Variants in RSU1 observed in about 807,000 individuals in gnomAD.
The protein encoded by RSU1 is rsu-1.
RSU1 carries 26 observed loss-of-function variants against 31.1 expected under a neutral mutation model. That is an observed-to-expected ratio of 0.84 (90% CI 0.61 to 1.16). The LOEUF is 1.16. Ranked by LOEUF, RSU1 falls within the 50% of genes most tolerant of loss-of-function variation. RSU1 has a pLI of 0.00. For missense variants in RSU1, 320 were observed against 339.1 expected (o/e 0.94, Z 0.44); for synonymous variants, 164 against 136.3 (o/e 1.20, Z -1.41).
At chr10:16,640,892 T>C (rs1834428961) in intron 8 of RSU1, among the ~76,000 whole-genome samples, 1 of 152,202 alleles carries the variant, frequency 6.6e-6, no homozygotes, top group East Asian at 1.9e-4. Flanking sequence ...GTCATAAACA[T>C]GAAACAGGTT....
At chr10:16,602,982 A>T (rs181827968) in intron 8 of RSU1, among the ~76,000 whole-genome samples, 1 of 152,210 alleles carries the variant, frequency 6.6e-6, no homozygotes, top group African/African-American at 2.4e-5. Flanking sequence ...TCCTAAAGAA[A>T]AAAAATTAAC....
intron 8 of RSU1, among the ~76,000 whole-genome samples, chr10:16,602,566 T>C (rs1833730851): frequency 1.3e-5 from 2 of 152,236 alleles, no homozygotes; most frequent in Admixed American, 6.5e-5. Flanking sequence ...TCTTTTGTAG[T>C]CTATACACTC....
chr10:16,605,068 TGCCTGAAGTCAGCTGTATTGCTG>T (rs1380723981), intron 8 of RSU1, among the ~76,000 whole-genome samples: 1 of 152,168 alleles, frequency 6.6e-6, no homozygotes, highest in African/African-American at 2.4e-5. Flanking sequence ...TGGGTCCCAA[TGCCTGAAGTCAGCTGTATTGCTG>T]GATGATGTTT....
chr10:16,815,359 C>T (rs1169717793), intron 2 of RSU1, among the ~76,000 whole-genome samples: 1 of 152,224 alleles, frequency 6.6e-6, no homozygotes, highest in African/African-American at 2.4e-5. Flanking sequence ...TCAACTCCAA[C>T]CTCTGTCCCA....
intron 2 of RSU1, among the ~76,000 whole-genome samples, chr10:16,802,959 A>G (rs1330327740): frequency 6.6e-6 from 1 of 152,170 alleles, no homozygotes; most frequent in Non-Finnish European, 1.5e-5. Context: ...TTCCTACTAC[A>G]GTTGGGAACA....
At chr10:16,769,740 C>T (rs1416413140) in intron 3 of RSU1, among the ~76,000 whole-genome samples, 1 of 152,170 alleles carries the variant, frequency 6.6e-6, no homozygotes, top group African/African-American at 2.4e-5. Context: ...CACATATGTC[C>T]CTTACCCCAT....
At chr10:16,719,118 G>A (rs934967899) in intron 7 of RSU1, among the ~76,000 whole-genome samples, 9 of 151,990 alleles carry the variant, frequency 5.9e-5, no homozygotes, top group Non-Finnish European at 8.8e-5. Flanking sequence ...GACAAGCCTC[G>A]GCAACACAGT....
In RSU1 at chr10:16,593,148, A is replaced by G; in HGVS notation, c.*246T>C. Reference sequence around the variant, plus strand: ...CCCACTATGGAATTCGCAGTTGAATAAGAGCTTTGTTCCCTGCTTTTGGTA... The same window carrying G: ...CCCACTATGGAATTCGCAGTTGAATGAGAGCTTTGTTCCCTGCTTTTGGTA... On this transcript the variant is annotated 3_prime_UTR_variant, in exon 9 of 9. Coordinates refer to ENST00000345264, the MANE Select transcript of RSU1 (RefSeq NM_012425.4). The G allele has an allele frequency of 1.9e-6, 1 of 537,292 alleles. No homozygotes were observed. The highest frequency in any genetic ancestry group is 2.9e-6 in the Non-Finnish European group (1 of 349,292). The allele number at this position is 537,292 out of a possible 1,614,324, so 33.3% of individuals were successfully genotyped here.
At chr10:16,717,259 G>A (rs186196313) in intron 7 of RSU1, among the ~76,000 whole-genome samples, 3 of 152,146 alleles carry the variant, frequency 2.0e-5, no homozygotes, top group Non-Finnish European at 2.9e-5. Flanking sequence ...TGGAGATGGT[G>A]AGTGTGCAGA....
At chr10:16,618,544 C>A (rs1305922270) in intron 8 of RSU1, among the ~76,000 whole-genome samples, 5 of 152,186 alleles carry the variant, frequency 3.3e-5, no homozygotes, top group Non-Finnish European at 7.3e-5. Flanking sequence ...TACTGCAGCA[C>A]TATTTACAAC....
At chr10:16,781,570 C>T (rs1046143068) in intron 3 of RSU1, among the ~76,000 whole-genome samples, 2 of 152,198 alleles carry the variant, frequency 1.3e-5, no homozygotes, top group African/African-American at 4.8e-5. Context: ...GTAAGTTTTG[C>T]TCATGAAATG....
chr10:16,689,093 T>G (rs1165379830), intron 8 of RSU1, among the ~76,000 whole-genome samples: 2 of 152,098 alleles, frequency 1.3e-5, no homozygotes, highest in African/African-American at 4.8e-5. Context: ...GTGGCTTAAT[T>G]TGAGCTATTT....
intron 7 of RSU1, among the ~76,000 whole-genome samples, chr10:16,699,461 A>T (rs546874230): frequency 6.6e-6 from 1 of 152,314 alleles, no homozygotes; most frequent in African/African-American, 2.4e-5. Flanking sequence ...GCCTCGGCAG[A>T]GCTCGTCTGT....
chr10:16,650,150 T>C lies in RSU1; in HGVS notation c.731+44873A>G, dbSNP rs1042961595. On this transcript the variant is annotated intron_variant, in intron 8 of 8. Transcript: ENST00000345264. ...GCTAACAGAAAGCTAAATTAAAAGATGCAGGCATGTCCATTCTGTAAAAGC... is the reference window on the plus strand; with the variant it reads ...GCTAACAGAAAGCTAAATTAAAAGACGCAGGCATGTCCATTCTGTAAAAGC... 2.6e-5 allele frequency among the ~76,000 whole-genome samples: 4 copies of C among 152,338 alleles called. No homozygotes were observed. The South Asian group carries it at 6.2e-4, about 24-fold the overall frequency.
At chr10:16,785,867 G>T (rs2131653204) in intron 2 of RSU1, among the ~76,000 whole-genome samples, 1 of 152,198 alleles carries the variant, frequency 6.6e-6, no homozygotes, top group East Asian at 1.9e-4. Context: ...TAGTAAATTT[G>T]GGAAAAGGAG....
At chr10:16,712,985 A>G (rs1836053673) in intron 7 of RSU1, among the ~76,000 whole-genome samples, 1 of 152,150 alleles carries the variant, frequency 6.6e-6, no homozygotes, top group Non-Finnish European at 1.5e-5. Flanking sequence ...CTTGGCTGAC[A>G]GTTCCTCCTC....
chr10:16,632,024 C>T (rs1834259477), intron 8 of RSU1, among the ~76,000 whole-genome samples: 1 of 152,154 alleles, frequency 6.6e-6, no homozygotes, highest in Non-Finnish European at 1.5e-5. Flanking sequence ...CAAGCTCTTC[C>T]ACCTCCTCTC....
At chr10:16,636,823 C>T (rs751572629) in intron 8 of RSU1, among the ~76,000 whole-genome samples, 13 of 152,058 alleles carry the variant, frequency 8.5e-5, no homozygotes, top group South Asian at 2.1e-4. Flanking sequence ...TTCTTTGATC[C>T]GCTATAACTG....
In RSU1 at chr10:16,597,792, A is replaced by G. The variant is rs1242033917; in HGVS notation, c.732-4296T>C. ...GAACAAAGGTTTTAATCCTTTTTGA[A>G]GAAAGCAACTAAGACAGAGCTAAAT... On this transcript the variant is annotated intron_variant, in intron 8 of 8. Transcript: ENST00000345264. Among the ~76,000 whole-genome samples, 22 of 152,246 alleles carry G rather than the reference A, an allele frequency of 1.4e-4. 1 individual carries two copies. The highest frequency in any genetic ancestry group is 1.4e-3 in the Admixed American group (21 of 15,286).
Sources: allele counts gnomAD v4.1 joint callset (sites outside exome capture counted in the v4.1 genomes callset), GRCh38; gene constraint gnomAD v4.1.1; transcripts MANE v1.5; gene names NCBI Gene and HGNC (gene_info 2026-07-23, HGNC 2026-07-21).